The following CDC42BPB variants were observed in gnomAD, a reference collection of about 807,000 sequenced individuals.
CDC42BPB encodes the protein CDC42 binding protein kinase beta, also known as serine/threonine-protein kinase MRCK beta.
In CDC42BPB, 37 loss-of-function variants were observed where a neutral mutation model predicts 214.9. That is an observed-to-expected ratio of 0.17 (90% confidence interval 0.13 to 0.23). The LOEUF is 0.23. CDC42BPB is among the 10% of genes least tolerant of loss of function. The pLI is 1.00. For synonymous variants in CDC42BPB, 931 were observed against 884.0 expected (o/e 1.05, Z -0.94); for missense variants, 1,694 against 2,227.0 (o/e 0.76, Z 4.82).
At chr14:103,053,577 C>A (rs185163725) in intron 1 of CDC42BPB, among the ~76,000 whole-genome samples, 7 of 151,052 alleles carry the variant, frequency 4.6e-5, no homozygotes, top group African/African-American at 9.7e-5. Context: ...CTGGCTAACA[C>A]GGTGAAACCC....
chr14:102,934,018 T>C (rs1410181689), intron 36 of CDC42BPB, 175 bp from the exon 37 acceptor site: 3 of 1,359,758 alleles, frequency 2.2e-6, no homozygotes, highest in Non-Finnish European at 2.8e-6. Context: ...TTAGGCGTGC[T>C]GGTGAGAGTC....
At chr14:102,983,302 A>G (rs1353650284) in intron 7 of CDC42BPB, among the ~76,000 whole-genome samples, 1 of 151,950 alleles carries the variant, frequency 6.6e-6, no homozygotes, top group Non-Finnish European at 1.5e-5. Flanking sequence ...TTCCCCTGAG[A>G]GTGGGGGTGG....
intron 1 of CDC42BPB, 148 bp from the exon 2 acceptor site, chr14:103,012,336 A>T: frequency 1.4e-6 from 2 of 1,434,548 alleles, no homozygotes; most frequent in Non-Finnish European, 1.8e-6. Context: ...GAAAGTGAGC[A>T]CTTATACCAA....
chr14:102,944,084 A>G lies in CDC42BPB; in HGVS notation c.4215T>C (p.Pro1405=). ...CLLSIQGDGQ[P]LNLVNPNDPS... is the part of the protein sequence containing the mutation. ...GGTCATTGGGATTTACCAGGTTTAG[A>G]GGCTGCCCGTCCCCCTGGATGCTCA... is the stretch of plus-strand genomic sequence containing the variant. Residue 1405 remains proline (P), a synonymous_variant, in exon 30 of 37, where the codon CCT becomes CCC. Transcript: ENST00000361246. The surrounding 1 kb of genome is among the most constrained non-coding windows in gnomAD (Gnocchi z 6.6). 1 of 1,613,526 alleles carries G rather than the reference A, an allele frequency of 6.2e-7. No homozygotes were observed. Among genetic ancestry groups the G allele is most frequent in the East Asian group, 2.2e-5 (1 of 44,864 alleles).
At chr14:102,984,347 C>T (rs1321482184) in intron 6 of CDC42BPB, among the ~76,000 whole-genome samples, 1 of 152,140 alleles carries the variant, frequency 6.6e-6, no homozygotes, top group Non-Finnish European at 1.5e-5. Context: ...CAGTGGGGCA[C>T]AAGAGGCTGC....
At chr14:103,035,515 T>C (rs901256483) in intron 1 of CDC42BPB, among the ~76,000 whole-genome samples, 1 of 151,758 alleles carries the variant, frequency 6.6e-6, no homozygotes, top group Non-Finnish European at 1.5e-5. Flanking sequence ...CTGGGCAACA[T>C]AGTAAGACTT....
chr14:103,011,928 C>T (rs35098766), intron 2 of CDC42BPB, among the ~76,000 whole-genome samples, 169 bp downstream of exon 2: 2 of 152,120 alleles, frequency 1.3e-5, no homozygotes, highest in African/African-American at 4.8e-5. Flanking sequence ...CCAGCCTGGG[C>T]AACATGGTGA....
chr14:102,983,522 G>C, intron 7 of CDC42BPB, 34 bp downstream of exon 7: 6 of 1,576,226 alleles, frequency 3.8e-6, no homozygotes, highest in Non-Finnish European at 5.1e-6. Flanking sequence ...CCTGAGCCAG[G>C]TACCAAAAAA....
chr14:102,973,931 G>A, intron 12 of CDC42BPB, 85 bp downstream of exon 12: 2 of 1,470,548 alleles, frequency 1.4e-6, no homozygotes, highest in East Asian at 2.4e-5. Context: ...AGTCCCAAGA[G>A]GTCTTCCATC....
intron 4 of CDC42BPB, 94 bp from the exon 5 acceptor site, chr14:102,999,807 G>C: frequency 6.5e-7 from 1 of 1,540,796 alleles, no homozygotes; most frequent in South Asian, 1.3e-5. Context: ...AGGTTCTCAG[G>C]CTCCAGGTCT....
intron 2 of CDC42BPB, among the ~76,000 whole-genome samples, 189 bp downstream of exon 2, chr14:103,011,908 G>A (rs1030642492): frequency 1.3e-5 from 2 of 152,094 alleles, no homozygotes; most frequent in African/African-American, 4.8e-5. Context: ...TTGAGCCCAG[G>A]AGTTCAAAGC....
At chr14:102,954,574 G>A (rs1283001712) in intron 22 of CDC42BPB, 28 bp downstream of exon 22, 2 of 1,583,432 alleles carry the variant, frequency 1.3e-6, no homozygotes, top group Non-Finnish European at 8.7e-7. Flanking sequence ...CCCCAGGTGG[G>A]AGCATCACCA....
At chr14:102,967,696 G>A (rs1893277025) in intron 16 of CDC42BPB, among the ~76,000 whole-genome samples, 1 of 151,200 alleles carries the variant, frequency 6.6e-6, no homozygotes, top group South Asian at 2.1e-4. Context: ...CAACACAGAA[G>A]AGGTAGAGTA....
rs1296187028 is a variant in CDC42BPB, at chr14:102,971,698, A to C, written c.1884+221T>G. ...GCATAAACACCCTCTATTTACTTAA[A>C]AGGGAATTAAAGAAAATCAGCACCA... On this transcript the variant is annotated intron_variant, in intron 13 of 36. Transcript: ENST00000361246. 2.0e-5 allele frequency among the ~76,000 whole-genome samples: 3 copies of C among 152,210 alleles called. No individual in the cohort carries two copies. In the East Asian group the frequency reaches 5.8e-4, roughly 29 times the overall value.
At chr14:103,054,331 G>A (rs1448423578) in intron 1 of CDC42BPB, among the ~76,000 whole-genome samples, 1 of 152,202 alleles carries the variant, frequency 6.6e-6, no homozygotes, top group Non-Finnish European at 1.5e-5. Context: ...TGGGAAGTGG[G>A]GAAAGGTTGG....
intron 30 of CDC42BPB, among the ~76,000 whole-genome samples, chr14:102,942,224 A>G (rs1891925809): frequency 7.3e-6 from 1 of 136,322 alleles, no homozygotes; most frequent in Non-Finnish European, 1.7e-5. Context: ...GCCCAGCCCC[A>G]CTGCCCACAC....
At position 103,057,361 on chromosome 14, in the gene CDC42BPB, C is replaced by T. The variant is rs1377599332; in HGVS notation, c.-188G>A. 6.5e-4 allele frequency: 653 copies of T among 1,008,408 alleles called. 1 individual carries two copies. The highest frequency in any genetic ancestry group is 6.0e-4 in the Non-Finnish European group (509 of 845,542). The allele number at this position is 1,008,408 out of a possible 1,614,324, so 62.5% of individuals were successfully genotyped here. ...GGGCTCCGTCCCGACGGCGCAGAGT[C>T]TGGGGCGCCGGGCCCCGCGGGTCCA... On this transcript the variant is annotated 5_prime_UTR_variant, in exon 1 of 37. Coordinates refer to ENST00000361246, the MANE Select transcript of CDC42BPB (RefSeq NM_006035.4).
intron 23 of CDC42BPB, among the ~76,000 whole-genome samples, chr14:102,953,164 G>A (rs779804405): frequency 2.6e-5 from 4 of 152,252 alleles, no homozygotes; most frequent in Non-Finnish European, 5.9e-5. Flanking sequence ...ATGCGGGACC[G>A]CCTGTTTACC....
At chr14:103,008,641 C>T in intron 2 of CDC42BPB, 86 bp from the exon 3 acceptor site, 3 of 1,561,538 alleles carry the variant, frequency 1.9e-6, no homozygotes, top group South Asian at 1.2e-5. Flanking sequence ...GAAATCCTAA[C>T]AGCCCAGGAG....
Sources: allele counts gnomAD v4.1 joint callset (sites outside exome capture counted in the v4.1 genomes callset), GRCh38; gene constraint gnomAD v4.1.1; non-coding constraint Gnocchi (gnomAD v3.1); transcripts MANE v1.5; gene names NCBI Gene and HGNC (gene_info 2026-07-23, HGNC 2026-07-21).